EYS: variants seen among roughly 807,000 people sequenced by gnomAD.
EYS encodes protein eyes shut homolog.
In EYS, 250 loss-of-function variants were observed where a neutral mutation model predicts 282.1. The observed-to-expected ratio is 0.89, with a 90% confidence interval of 0.80 to 0.98. EYS has a LOEUF of 0.98. EYS is among the 50% of genes least tolerant of loss of function. EYS has a pLI of 0.00. For missense variants in EYS, 4,016 were observed against 3,709.0 expected, an observed-to-expected ratio of 1.08 and a Z score of -2.15; for synonymous variants, 1,355 against 1,282.9, an observed-to-expected ratio of 1.06 and a Z score of -1.20.
intron 41 of EYS, among the ~76,000 whole-genome samples, chr6:63,733,373 T>A (rs1292943988): frequency 6.6e-6 from 1 of 152,172 alleles, no homozygotes; most frequent in Non-Finnish European, 1.5e-5. Flanking sequence ...GGCGTACAAT[T>A]GATCCCATCA....
At chr6:65,382,944 AT>A (rs761544213) in intron 8 of EYS, among the ~76,000 whole-genome samples, 17 of 151,786 alleles carry the variant, frequency 1.1e-4, no homozygotes, top group Non-Finnish European at 1.8e-4. Flanking sequence ...CTTGAATCCA[AT>A]CAAGTTGACC....
chr6:64,515,772 C>G (rs1777541719), intron 26 of EYS, among the ~76,000 whole-genome samples: 1 of 151,288 alleles, frequency 6.6e-6, no homozygotes, highest in Non-Finnish European at 1.5e-5. Context: ...AAAATGAAGG[C>G]ATAAAATAAT....
At chr6:65,498,635 TA>T (rs1562224011) in intron 2 of EYS, among the ~76,000 whole-genome samples, 1 of 151,856 alleles carries the variant, frequency 6.6e-6, no homozygotes, top group Non-Finnish European at 1.5e-5. Context: ...TGTGAAAATT[TA>T]AATAAATGAA....
At chr6:63,953,743 G>C (rs1299677293) in intron 35 of EYS, among the ~76,000 whole-genome samples, 1 of 151,978 alleles carries the variant, frequency 6.6e-6, no homozygotes, top group Non-Finnish European at 1.5e-5. Flanking sequence ...TCCCATACTA[G>C]CTCTCCCTAA....
chr6:64,595,824 C>T (rs913714915), intron 24 of EYS, among the ~76,000 whole-genome samples: 3 of 152,012 alleles, frequency 2.0e-5, no homozygotes, highest in Admixed American at 2.0e-4. Context: ...GGTTATGGAG[C>T]AGAAGAATTA....
chr6:64,501,948 A>T (rs1278370123), intron 26 of EYS, among the ~76,000 whole-genome samples: 3 of 152,216 alleles, frequency 2.0e-5, no homozygotes, highest in African/African-American at 7.2e-5. Context: ...TAGTTCTGGA[A>T]CTTGGGCAAA....
intron 36 of EYS, among the ~76,000 whole-genome samples, chr6:63,856,876 G>A (rs916402165): frequency 6.6e-6 from 1 of 152,094 alleles, no homozygotes; most frequent in Non-Finnish European, 1.5e-5. Flanking sequence ...TCCTGGTTTT[G>A]TTTGAGAAGG....
intron 31 of EYS, among the ~76,000 whole-genome samples, chr6:64,192,096 T>C (rs1330076808): frequency 3.4e-5 from 5 of 145,168 alleles, no homozygotes; most frequent in African/African-American, 1.3e-4. Context: ...TAAGCATTTT[T>C]TCATGTGTTT....
chr6:65,273,355 A>G (rs1007225334), intron 12 of EYS, among the ~76,000 whole-genome samples: 7 of 152,180 alleles, frequency 4.6e-5, no homozygotes, highest in Non-Finnish European at 7.3e-5. Flanking sequence ...GTAACTCTGC[A>G]TTAAGGGAAG....
At chr6:64,408,406 A>G (rs1241553959) in intron 28 of EYS, among the ~76,000 whole-genome samples, 1 of 152,180 alleles carries the variant, frequency 6.6e-6, no homozygotes, top group Non-Finnish European at 1.5e-5. Context: ...AACAACATGA[A>G]GGACAATTCT....
chr6:64,362,200 G>T (rs1482174550), intron 29 of EYS, among the ~76,000 whole-genome samples: 1 of 151,666 alleles, frequency 6.6e-6, no homozygotes, highest in Non-Finnish European at 1.5e-5. Flanking sequence ...AAGTAGAAAT[G>T]ACAACAGTAA....
At chr6:65,532,546 T>G (rs893949362) in intron 2 of EYS, among the ~76,000 whole-genome samples, 1 of 152,154 alleles carries the variant, frequency 6.6e-6, no homozygotes, top group African/African-American at 2.4e-5. Context: ...AATATCACAT[T>G]TGTTACTGTT....
At chr6:65,513,749 G>A (rs1766996091) in intron 2 of EYS, among the ~76,000 whole-genome samples, 1 of 151,710 alleles carries the variant, frequency 6.6e-6, no homozygotes. Context: ...AACCCTTCAT[G>A]CTAAAAACTC....
At chr6:64,776,386 T>G (rs1323685370) in intron 22 of EYS, among the ~76,000 whole-genome samples, 1 of 152,086 alleles carries the variant, frequency 6.6e-6, no homozygotes, top group Non-Finnish European at 1.5e-5. Flanking sequence ...TACGCCAATC[T>G]ATAACACCAG....
chr6:63,781,031 T>G (rs573493151), intron 39 of EYS, among the ~76,000 whole-genome samples: 2 of 152,364 alleles, frequency 1.3e-5, no homozygotes, highest in South Asian at 4.1e-4. Context: ...CTTGTTTTTA[T>G]CAGATTTGTC....
chr6:63,766,282 G>A (rs909637812), intron 40 of EYS, among the ~76,000 whole-genome samples: 2 of 151,914 alleles, frequency 1.3e-5, no homozygotes, highest in Non-Finnish European at 2.9e-5. Flanking sequence ...GCCAGATTTG[G>A]CCCATCTACC....
chr6:65,362,363 A>G (rs1393681), intron 8 of EYS, among the ~76,000 whole-genome samples: 102,211 of 151,764 alleles, frequency 0.67, 34,502 homozygotes, highest in South Asian at 0.71. Context: ...TACATTCTAG[A>G]ACATCGTTAC....
chr6:65,687,512 A>G (rs1208877563), intron 1 of EYS, among the ~76,000 whole-genome samples: 1 of 152,084 alleles, frequency 6.6e-6, no homozygotes, highest in Non-Finnish European at 1.5e-5. Flanking sequence ...CTAAACATAA[A>G]CAGATAAAGA....
intron 13 of EYS, among the ~76,000 whole-genome samples, chr6:65,033,548 A>G (rs1434054684): frequency 6.6e-6 from 1 of 152,138 alleles, no homozygotes; most frequent in African/African-American, 2.4e-5. Flanking sequence ...ACCCAGGTAC[A>G]GCTCCAGGCT....
Sources: gnomAD v4.1 joint callset for allele counts (sites outside exome capture counted in the v4.1 genomes callset) on GRCh38, gnomAD v4.1.1 for gene constraint, MANE v1.5 for transcripts, NCBI Gene and HGNC (gene_info 2026-07-23, HGNC 2026-07-21) for gene names.